TLK1: variants seen among roughly 807,000 people sequenced by gnomAD.
The protein encoded by TLK1 is tousled like kinase 1, also known as serine/threonine-protein kinase tousled-like 1.
Under a neutral mutation model 105.3 loss-of-function variants are expected in TLK1, and 24 were observed. That is an observed-to-expected ratio of 0.23 (90% CI 0.17 to 0.32). The LOEUF is 0.32. Ranked by LOEUF, TLK1 falls within the 10% of genes least tolerant of loss-of-function variation. The probability of loss-of-function intolerance (pLI) is 1.00; values close to 1 mark genes in which losing one functional copy is unlikely to be tolerated. For synonymous variants in TLK1, 321 were observed against 310.4 expected (o/e 1.03, Z -0.36); for missense variants, 558 against 910.5 (o/e 0.61, Z 4.98).
chr2:171,061,203 C>A, intron 3 of TLK1, 47 bp from the exon 4 acceptor site: 1 of 1,581,262 alleles, frequency 6.3e-7, no homozygotes, highest in Non-Finnish European at 8.7e-7. Flanking sequence ...TTTTAATATA[C>A]AAAATTATCA....
intron 1 of TLK1, among the ~76,000 whole-genome samples, chr2:171,169,798 A>G (rs1232822850): frequency 2.0e-5 from 3 of 152,232 alleles, no homozygotes; most frequent in Non-Finnish European, 4.4e-5. Flanking sequence ...GGGCTAGAAG[A>G]AAAACAAAAC....
chr2:171,022,442 CT>C (rs529641796), intron 12 of TLK1, among the ~76,000 whole-genome samples: 5 of 151,474 alleles, frequency 3.3e-5, no homozygotes, highest in South Asian at 2.1e-4. Context: ...ACACACACAC[CT>C]CCCTCCAAGA....
At chr2:171,050,273 T>A in intron 8 of TLK1, 99 bp from the exon 9 acceptor site, 2 of 712,288 alleles carry the variant, frequency 2.8e-6, no homozygotes, top group South Asian at 2.9e-5. Context: ...CAGATAGGAC[T>A]AATAATATTA....
At chr2:171,227,673 C>T (rs1029798603) in intron 1 of TLK1, among the ~76,000 whole-genome samples, 3 of 140,292 alleles carry the variant, frequency 2.1e-5, no homozygotes, top group African/African-American at 5.3e-5. Context: ...TTAGAACAGT[C>T]GAACAGCCAG....
Position 171,006,556 on chromosome 2 carries a change from C to T in TLK1, c.1686G>A (p.Arg562=). ...CATTTACAATCTGCATTACAATAGA[C>T]CGAGCTTCTTTCTCTGACATTAACT... is the stretch of plus-strand genomic sequence containing the variant. ...QHKLMSEKEA[R]SIVMQIVNAL... Residue 562 remains arginine (R), a synonymous_variant, in exon 17 of 21, where the codon CGG becomes CGA. Coordinates refer to ENST00000431350, the MANE Select transcript of TLK1 (RefSeq NM_012290.5). 6.2e-7 allele frequency: 1 copy of T among 1,613,066 alleles called. No homozygotes were observed.
intron 1 of TLK1, among the ~76,000 whole-genome samples, chr2:171,149,666 G>A (rs909289278): frequency 1.2e-4 from 19 of 152,182 alleles, no homozygotes; most frequent in African/African-American, 4.3e-4. Context: ...AACACTTTGG[G>A]AGGCAGAGGC....
At chr2:171,069,430 T>A (rs1688151184) in intron 3 of TLK1, among the ~76,000 whole-genome samples, 1 of 152,226 alleles carries the variant, frequency 6.6e-6, no homozygotes, top group African/African-American at 2.4e-5. Flanking sequence ...AGTAATGAGT[T>A]GGTTCTCAAC....
intron 11 of TLK1, among the ~76,000 whole-genome samples, chr2:171,042,534 C>T (rs1686730856): frequency 6.6e-6 from 1 of 152,156 alleles, no homozygotes; most frequent in South Asian, 2.1e-4. Context: ...GCATGAGTCA[C>T]TGCACCCAGC....
At chr2:171,163,213 A>G (rs1389073855), upstream of TLK1, among the ~76,000 whole-genome samples, 1 of 152,206 alleles carries the variant, frequency 6.6e-6, no homozygotes. Flanking sequence ...ACACTTGTTT[A>G]TCCATTAAAC....
chr2:171,082,580 G>T (rs1688801484), intron 3 of TLK1, among the ~76,000 whole-genome samples: 1 of 152,110 alleles, frequency 6.6e-6, no homozygotes, highest in African/African-American at 2.4e-5. Context: ...CATAACCAAA[G>T]AAATTATATT....
Position 170,993,865 on chromosome 2 carries a change from C to T in TLK1, c.2216G>A (p.Arg739Lys), listed in dbSNP as rs1559328773. Residue 739 changes from arginine to lysine, a missense_variant, in exon 21 of 21, where the codon AGA becomes AAA. Around this residue, in one of 5 missense-constraint regions of TLK1, gnomAD observed 218 missense variants for 492.9 expected, o/e 0.44. Coordinates refer to ENST00000431350, the MANE Select transcript of TLK1 (RefSeq NM_012290.5). ...TAGGTTTCCTGAAGAATTTGATCTTCTCATGTGTGGGAGAAGGTATGGGTC... is the reference window on the plus strand; with the variant it reads ...TAGGTTTCCTGAAGAATTTGATCTTTTCATGTGTGGGAGAAGGTATGGGTC... ...ANDPYLLPHM[R>K]RSNSSGNLHM... The T allele has an allele frequency of 6.2e-7, 1 of 1,613,148 alleles. No homozygotes were observed. Among genetic ancestry groups the T allele is most frequent in the Non-Finnish European group, 8.5e-7 (1 of 1,179,604 alleles).
At chr2:171,057,676 T>C (rs558528455) in intron 5 of TLK1, among the ~76,000 whole-genome samples, 37 of 152,224 alleles carry the variant, frequency 2.4e-4, no homozygotes, top group African/African-American at 8.9e-4. Context: ...ATAATTACAC[T>C]TGATAGTAGA....
At chr2:171,003,483 T>A (rs529881006) in intron 18 of TLK1, among the ~76,000 whole-genome samples, 1 of 152,272 alleles carries the variant, frequency 6.6e-6, no homozygotes, top group East Asian at 1.9e-4. Context: ...TGTCATGATT[T>A]TTCTCTGCTC....
intron 18 of TLK1, among the ~76,000 whole-genome samples, chr2:171,002,351 C>T (rs1401543290): frequency 5.3e-5 from 8 of 151,846 alleles, no homozygotes; most frequent in South Asian, 2.1e-4. Context: ...CTCCGCCTCC[C>T]GGGTTCATGC....
intron 12 of TLK1, among the ~76,000 whole-genome samples, chr2:171,015,713 ACACACACACACACACACACC>A (rs762914319): frequency 0.15 from 21,912 of 148,772 alleles, 1,865 homozygotes; most frequent in East Asian, 0.23. Flanking sequence ...ACACACACAC[ACACACACACACACACACACC>A]CACCCCTTTT....
intron 12 of TLK1, among the ~76,000 whole-genome samples, chr2:171,027,801 T>A (rs1685847356): frequency 6.6e-6 from 1 of 152,226 alleles, no homozygotes; most frequent in African/African-American, 2.4e-5. Context: ...GGATATGGTG[T>A]GTCACCATCT....
At chr2:171,015,671 T>C (rs1483747795) in intron 12 of TLK1, among the ~76,000 whole-genome samples, 1 of 141,054 alleles carries the variant, frequency 7.1e-6, no homozygotes, top group Admixed American at 7.2e-5. Context: ...ACTCATGTCA[T>C]TCATGTCATT....
chr2:171,006,738 GGAT>G lies in TLK1; in HGVS notation c.1598+59_1598+61del, dbSNP rs113617909. The G allele has an allele frequency of 2.8e-5, 44 of 1,588,730 alleles. No homozygotes were observed. The African/African-American group carries it at 3.6e-4, about 13-fold the overall frequency. On this transcript the variant is annotated intron_variant, in intron 16 of 20. Transcript: ENST00000431350. Reference sequence around the variant, plus strand: ...GGAGAGTATTTATATCATCAACACAGGATGGGGAAAGAGAAAGCAAGCATATCT... The same window carrying G: ...GGAGAGTATTTATATCATCAACACAGGGGGAAAGAGAAAGCAAGCATATCT...
intron 11 of TLK1, among the ~76,000 whole-genome samples, chr2:171,038,687 G>A (rs1335809704): frequency 6.6e-6 from 1 of 152,100 alleles, no homozygotes; most frequent in Admixed American, 6.5e-5. Flanking sequence ...CAATGACTAA[G>A]GGAGAAAGAA....
Sources: allele counts gnomAD v4.1 joint callset (sites outside exome capture counted in the v4.1 genomes callset), GRCh38; gene constraint gnomAD v4.1.1; regional missense constraint gnomAD v4.1.1; transcripts MANE v1.5; gene names NCBI Gene and HGNC (gene_info 2026-07-23, HGNC 2026-07-21).